Variants in CSMD1 observed in about 807,000 individuals in gnomAD.
CSMD1 encodes the protein CUB and Sushi multiple domains 1.
Under a neutral mutation model 417.5 loss-of-function variants are expected in CSMD1, and 213 were observed. That is an observed-to-expected ratio of 0.51 (90% CI 0.46 to 0.57). CSMD1 has a LOEUF of 0.57. Among genes scored for constraint, CSMD1 ranks in the 20% least tolerant of loss-of-function variants. The probability of loss-of-function intolerance (pLI) is 0.00; values close to 1 mark genes in which losing one functional copy is unlikely to be tolerated. For synonymous variants in CSMD1, 2,862 were observed against 1,736.8 expected (o/e 1.65, Z -16.11); for missense variants, 6,923 against 4,529.7 (o/e 1.53, Z -15.17).
At chr8:3,791,820 A>C (rs931326829) in intron 5 of CSMD1, among the ~76,000 whole-genome samples, 1 of 142,550 alleles carries the variant, frequency 7.0e-6, no homozygotes, top group Non-Finnish European at 1.5e-5. Context: ...AAGACTCAGT[A>C]TCAAATAATA....
intron 5 of CSMD1, among the ~76,000 whole-genome samples, chr8:3,935,276 A>T (rs1458203390): frequency 6.6e-6 from 1 of 152,236 alleles, no homozygotes; most frequent in African/African-American, 2.4e-5. Flanking sequence ...GAATTTTCAT[A>T]GATACTGTAT....
chr8:4,959,712 C>CGG (rs1563872585), intron 1 of CSMD1, among the ~76,000 whole-genome samples: 1 of 152,200 alleles, frequency 6.6e-6, no homozygotes, highest in Non-Finnish European at 1.5e-5. Context: ...TCTCAGTTCA[C>CGG]GGAATGTCAA....
At chr8:4,675,479 G>A (rs571536417) in intron 1 of CSMD1, among the ~76,000 whole-genome samples, 5 of 152,188 alleles carry the variant, frequency 3.3e-5, no homozygotes, top group East Asian at 1.9e-4. Flanking sequence ...AACAATACAC[G>A]GATAACAAGT....
chr8:4,446,859 G>A (rs757648320), intron 2 of CSMD1, among the ~76,000 whole-genome samples: 1 of 151,084 alleles, frequency 6.6e-6, no homozygotes, highest in African/African-American at 2.4e-5. Flanking sequence ...CTGACCTTGT[G>A]ATCCACCCGC....
intron 1 of CSMD1, among the ~76,000 whole-genome samples, chr8:4,801,681 C>G (rs12675737): frequency 0.069 from 10,552 of 151,912 alleles, 621 homozygotes; most frequent in East Asian, 0.24. Flanking sequence ...AATAATGGAG[C>G]CCTGTCCTTC....
Position 3,906,806 on chromosome 8 carries a change from A to G in CSMD1, c.818+91097T>C, listed in dbSNP as rs550063432. On this transcript the variant is annotated intron_variant, in intron 5 of 69. Coordinates refer to ENST00000635120, the MANE Select transcript of CSMD1 (RefSeq NM_033225.6). ...TTGAACATATATACAGACAAAATAT[A>G]TATGAATACATAGGCATATATCAAG... Among the ~76,000 whole-genome samples, 15 of 152,332 alleles carry G rather than the reference A, an allele frequency of 9.8e-5. No homozygotes were observed. The East Asian group carries it at 1.9e-3, about 20-fold the overall frequency.
chr8:3,494,981 G>C (rs1796306432), intron 10 of CSMD1, among the ~76,000 whole-genome samples: 1 of 152,120 alleles, frequency 6.6e-6, no homozygotes, highest in African/African-American at 2.4e-5. Flanking sequence ...GCTTTTCCAA[G>C]CAATGCCAAA....
At chr8:4,488,664 G>A (rs1801538463) in intron 2 of CSMD1, among the ~76,000 whole-genome samples, 1 of 150,806 alleles carries the variant, frequency 6.6e-6, no homozygotes, top group South Asian at 2.1e-4. Context: ...GAACACCAAA[G>A]AATTACATAA....
At chr8:3,998,744 A>G (rs1432998954) in intron 4 of CSMD1, among the ~76,000 whole-genome samples, 1 of 152,064 alleles carries the variant, frequency 6.6e-6, no homozygotes, top group Admixed American at 6.6e-5. Flanking sequence ...ATAGAAACTA[A>G]CAATTAAAAA....
At chr8:3,066,026 A>G (rs989896482) in intron 49 of CSMD1, among the ~76,000 whole-genome samples, 19 of 152,194 alleles carry the variant, frequency 1.2e-4, no homozygotes, top group Non-Finnish European at 5.9e-5. Context: ...ATTCATAATA[A>G]TGGGCCAACT....
intron 7 of CSMD1, among the ~76,000 whole-genome samples, chr8:3,621,379 G>C (rs1167627515): frequency 6.6e-6 from 1 of 152,130 alleles, no homozygotes; most frequent in Non-Finnish European, 1.5e-5. Flanking sequence ...TAAAAACGAA[G>C]AGTAATCAAA....
At position 2,949,338 on chromosome 8, in the gene CSMD1, G is replaced by A. The variant is rs777459005; in HGVS notation, c.10363C>T (p.His3455Tyr). 2 of 1,607,766 alleles carry A rather than the reference G, an allele frequency of 1.2e-6. No homozygotes were observed. The highest frequency in any genetic ancestry group is 1.7e-6 in the Non-Finnish European group (2 of 1,176,520). Residue 3455 changes from histidine to tyrosine, a missense_variant, in exon 68 of 70, where the codon CAT (histidine) becomes TAT (tyrosine). Coordinates refer to ENST00000635120, the MANE Select transcript of CSMD1 (RefSeq NM_033225.6). ...RGGFTFQGDI[H>Y]GKDFGKFKLE... is the part of the protein sequence containing the mutation. ...TTAAATTTTCCAAAGTCTTTTCCAT[G>A]AATGTCACCTTGAAAAGTAAATCCT...
At chr8:3,707,147 C>A (rs1222089934) in intron 7 of CSMD1, among the ~76,000 whole-genome samples, 1 of 152,158 alleles carries the variant, frequency 6.6e-6, no homozygotes, top group African/African-American at 2.4e-5. Context: ...ATTATTGTCA[C>A]ACAAGCAATT....
chr8:4,793,493 C>A (rs1227426725), intron 1 of CSMD1, among the ~76,000 whole-genome samples: 3 of 152,054 alleles, frequency 2.0e-5, no homozygotes, highest in Non-Finnish European at 4.4e-5. Context: ...CCCACGCCAT[C>A]TCCCTGGTTC....
intron 2 of CSMD1, among the ~76,000 whole-genome samples, chr8:4,622,949 A>C (rs1801866945): frequency 6.6e-6 from 1 of 152,198 alleles, no homozygotes. Context: ...AAATCAGTTA[A>C]ATTCAAAGTT....
At chr8:4,056,588 G>A (rs959369673) in intron 3 of CSMD1, among the ~76,000 whole-genome samples, 1 of 151,824 alleles carries the variant, frequency 6.6e-6, no homozygotes, top group Non-Finnish European at 1.5e-5. Context: ...ACAATGTGCA[G>A]GTAAGTTACC....
intron 37 of CSMD1, among the ~76,000 whole-genome samples, chr8:3,167,190 CAGG>C (rs1482854394): frequency 6.6e-6 from 1 of 150,510 alleles, no homozygotes; most frequent in Non-Finnish European, 1.5e-5. Flanking sequence ...GAGGCTGAGG[CAGG>C]AGAAGTGCTT....
At chr8:3,205,670 G>A (rs897494205) in intron 30 of CSMD1, 50 bp from the exon 31 acceptor site, 2 of 855,388 alleles carry the variant, frequency 2.3e-6, no homozygotes, top group African/African-American at 3.4e-5. Context: ...AATAGCGCAG[G>A]TGATAGGTGA....
chr8:4,822,739 A>G (rs1003468462), intron 1 of CSMD1, among the ~76,000 whole-genome samples: 5 of 152,120 alleles, frequency 3.3e-5, no homozygotes, highest in African/African-American at 4.8e-5. Flanking sequence ...ATGATTCACT[A>G]TTTTTATATA....
Sources: allele counts gnomAD v4.1 joint callset (sites outside exome capture counted in the v4.1 genomes callset), GRCh38; gene constraint gnomAD v4.1.1; transcripts MANE v1.5; gene names NCBI Gene and HGNC (gene_info 2026-07-23, HGNC 2026-07-21).